CREB3L2: variants seen among roughly 807,000 people sequenced by gnomAD.
CREB3L2 encodes the protein cyclic AMP-responsive element-binding protein 3-like protein 2.
Under a neutral mutation model 57.2 loss-of-function variants are expected in CREB3L2, and 23 were observed. That is an observed-to-expected ratio of 0.40 (90% CI 0.29 to 0.57). The LOEUF is 0.57. CREB3L2 is among the 20% of genes least tolerant of loss of function. CREB3L2 has a pLI of 0.42. For synonymous variants in CREB3L2, 268 were observed against 265.1 expected (o/e 1.01, Z -0.11); for missense variants, 628 against 634.7 (o/e 0.99, Z 0.11).
chr7:137,928,085 C>T, intron 2 of CREB3L2, 65 bp downstream of exon 2: 1 of 1,244,648 alleles, frequency 8.0e-7, no homozygotes, highest in Non-Finnish European at 1.1e-6. Context: ...ATACACACTC[C>T]ACACCCTCAA....
At chr7:137,918,349 C>T (rs1479689702) in intron 2 of CREB3L2, among the ~76,000 whole-genome samples, 1 of 152,094 alleles carries the variant, frequency 6.6e-6, no homozygotes, top group Non-Finnish European at 1.5e-5. Flanking sequence ...CGCCACGACG[C>T]CCAGCTAATT....
At chr7:137,947,338 T>G (rs1487911963) in intron 1 of CREB3L2, among the ~76,000 whole-genome samples, 1 of 152,094 alleles carries the variant, frequency 6.6e-6, no homozygotes, top group Non-Finnish European at 1.5e-5. Context: ...ACTAACTGGC[T>G]ACATCTCTGT....
intron 1 of CREB3L2, among the ~76,000 whole-genome samples, chr7:137,937,215 C>T (rs1016102520): frequency 2.6e-5 from 4 of 152,182 alleles, no homozygotes; most frequent in African/African-American, 4.8e-5. Flanking sequence ...CAGAATGCCT[C>T]CCAAAGACTG....
intron 2 of CREB3L2, chr7:137,922,520 TAC>T: frequency 2.7e-6 from 1 of 363,796 alleles, no homozygotes; most frequent in South Asian, 2.1e-5. Context: ...TATATATATA[TAC>T]ATGTGAACAT....
chr7:137,944,025 T>G (rs1434420756), intron 1 of CREB3L2, among the ~76,000 whole-genome samples: 1 of 152,198 alleles, frequency 6.6e-6, no homozygotes, highest in East Asian at 1.9e-4. Flanking sequence ...GAAATTGTAT[T>G]CTCTTCACTG....
At chr7:137,964,966 G>A (rs1360036832) in intron 1 of CREB3L2, among the ~76,000 whole-genome samples, 2 of 152,024 alleles carry the variant, frequency 1.3e-5, no homozygotes, top group African/African-American at 2.4e-5. Context: ...TTTGCCTTCC[G>A]CCAACCACGT....
chr7:137,967,460 G>A (rs1032894631), intron 1 of CREB3L2, among the ~76,000 whole-genome samples: 1 of 152,204 alleles, frequency 6.6e-6, no homozygotes, highest in African/African-American at 2.4e-5. Flanking sequence ...ACTAGCGGAT[G>A]TAAAAGGAGA....
In CREB3L2 at chr7:137,875,609, T is replaced by C. The variant is rs1799131877; in HGVS notation, c.*4867A>G. On this transcript the variant is annotated 3_prime_UTR_variant, in exon 12 of 12. Transcript: ENST00000330387. ...GATGAGCATCACACAGCAGGGCCAT[T>C]GCAGGGGACAGGTGCTGTAATTCCT... 4.4e-6 allele frequency: 1 copy of C among 224,840 alleles called. No individual in the cohort carries two copies. The highest frequency in any genetic ancestry group is 8.9e-6 in the Non-Finnish European group (1 of 112,736). The allele number at this position is 224,840 out of a possible 1,614,324, so 13.9% of individuals were successfully genotyped here.
At chr7:137,998,112 T>C (rs1204661970) in intron 1 of CREB3L2, among the ~76,000 whole-genome samples, 1 of 152,210 alleles carries the variant, frequency 6.6e-6, no homozygotes, top group Non-Finnish European at 1.5e-5. Flanking sequence ...CTTTGCCCTA[T>C]CCATATGCTT....
intron 1 of CREB3L2, among the ~76,000 whole-genome samples, chr7:137,930,150 G>A (rs10254813): frequency 6.6e-6 from 1 of 151,950 alleles, no homozygotes; most frequent in African/African-American, 2.4e-5. Flanking sequence ...GCCCGTCTTG[G>A]CCTCCCAAAG....
intron 1 of CREB3L2, among the ~76,000 whole-genome samples, chr7:137,985,665 G>C (rs1251470698): frequency 6.6e-6 from 1 of 152,162 alleles, no homozygotes; most frequent in Non-Finnish European, 1.5e-5. Context: ...AAATGACAGG[G>C]ACATGGAACA....
At chr7:137,993,376 T>G (rs1474052372) in intron 1 of CREB3L2, among the ~76,000 whole-genome samples, 2 of 152,222 alleles carry the variant, frequency 1.3e-5, no homozygotes, top group African/African-American at 4.8e-5. Flanking sequence ...AAACAGGGAC[T>G]GTTTCAATCA....
At chr7:137,972,224 A>G (rs1801519412) in intron 1 of CREB3L2, among the ~76,000 whole-genome samples, 1 of 152,072 alleles carries the variant, frequency 6.6e-6, no homozygotes, top group South Asian at 2.1e-4. Context: ...GCGGATCACA[A>G]TGTCAGGAGT....
intron 2 of CREB3L2, among the ~76,000 whole-genome samples, chr7:137,918,874 G>A (rs528470553): frequency 1.3e-5 from 2 of 152,226 alleles, no homozygotes; most frequent in East Asian, 3.9e-4. Context: ...TATTCTTAAT[G>A]CCCAGTGTCC....
intron 1 of CREB3L2, among the ~76,000 whole-genome samples, chr7:137,953,915 C>T (rs537658903): frequency 4.3e-4 from 65 of 152,300 alleles, no homozygotes; most frequent in Admixed American, 2.7e-3. Context: ...GTCCTGTAAC[C>T]TCTCCAGGAG....
chr7:137,928,758 C>G (rs1299055662), intron 1 of CREB3L2, among the ~76,000 whole-genome samples: 3 of 152,146 alleles, frequency 2.0e-5, no homozygotes, highest in African/African-American at 7.2e-5. Context: ...GGGAGAAAAA[C>G]CAAAGCTGAG....
At chr7:137,905,676 G>C (rs1315135805) in intron 6 of CREB3L2, 26 bp downstream of exon 6, 2 of 1,612,682 alleles carry the variant, frequency 1.2e-6, no homozygotes, top group African/African-American at 1.3e-5. Flanking sequence ...CTCTGCTCTA[G>C]AAGTGCCTAG....
At chr7:137,901,668 C>T (rs1799761172) in intron 7 of CREB3L2, among the ~76,000 whole-genome samples, 1 of 151,338 alleles carries the variant, frequency 6.6e-6, no homozygotes, top group African/African-American at 2.4e-5. Flanking sequence ...ATCACAAGGT[C>T]AGGAGATAGA....
At chr7:137,913,335 G>A (rs886636623) in intron 3 of CREB3L2, among the ~76,000 whole-genome samples, 2 of 151,470 alleles carry the variant, frequency 1.3e-5, no homozygotes, top group Non-Finnish European at 2.9e-5. Context: ...GTGAGACAAC[G>A]TCTCCCCAAA....
Sources: gnomAD v4.1 joint callset for allele counts (sites outside exome capture counted in the v4.1 genomes callset) on GRCh38, gnomAD v4.1.1 for gene constraint, MANE v1.5 for transcripts, NCBI Gene and HGNC (gene_info 2026-07-23, HGNC 2026-07-21) for gene names.